MTRR: variants seen among roughly 807,000 people sequenced by gnomAD.
The protein encoded by MTRR is methionine synthase reductase.
MTRR carries 63 observed loss-of-function variants against 79.2 expected under a neutral mutation model. The observed-to-expected ratio is 0.80, with a 90% CI of 0.65 to 0.98. The LOEUF (loss-of-function observed/expected upper bound fraction) is 0.98, where lower values mean the gene tolerates loss of function less well. Ranked by LOEUF, MTRR falls within the 50% of genes least tolerant of loss-of-function variation. The probability of loss-of-function intolerance (pLI) is 0.00; values close to 1 mark genes in which losing one functional copy is unlikely to be tolerated. For missense variants in MTRR, 895 were observed against 839.6 expected (o/e 1.07, Z -0.82); for synonymous variants, 355 against 313.3 (o/e 1.13, Z -1.41).
intron 1 of MTRR, chr5:7,861,362 T>C (rs1000599722): frequency 9.3e-6 from 6 of 647,382 alleles, no homozygotes; most frequent in Non-Finnish European, 1.5e-5. Flanking sequence ...ATTTGGCTAT[T>C]ACTATGTGCC....
intron 1 of MTRR, among the ~76,000 whole-genome samples, chr5:7,852,755 G>A (rs145296004): frequency 6.7e-6 from 1 of 150,048 alleles, no homozygotes; most frequent in Non-Finnish European, 1.5e-5. Flanking sequence ...TTTTTTTTAA[G>A]CCCTTATAAT....
chr5:7,877,839 A>C, intron 4 of MTRR, 105 bp from the exon 5 acceptor site: 2 of 1,481,822 alleles, frequency 1.3e-6, no homozygotes, highest in South Asian at 2.3e-5. Context: ...AGTGTTTCTA[A>C]CAAGTGCATA....
intron 5 of MTRR, among the ~76,000 whole-genome samples, chr5:7,879,264 C>T (rs1735127845): frequency 1.3e-5 from 2 of 152,080 alleles, no homozygotes; most frequent in South Asian, 2.1e-4. Context: ...CTGGTGGGAG[C>T]AGAGTGCAGT....
intron 2 of MTRR, chr5:7,862,957 AGAAATGACTTCACTT>A: frequency 6.2e-7 from 1 of 1,614,060 alleles, no homozygotes; most frequent in Non-Finnish European, 8.5e-7. Flanking sequence ...GCATGGGGTA[AGAAATGACTTCACTT>A]GATATTTAGG....
chr5:7,878,834 A>G (rs1379664477), intron 5 of MTRR, among the ~76,000 whole-genome samples: 2 of 152,242 alleles, frequency 1.3e-5, no homozygotes, highest in African/African-American at 4.8e-5. Flanking sequence ...CCTGCTTAAA[A>G]TAAGTTTCCA....
rs569354527 is a variant in MTRR, at chr5:7,887,832, G to GTAT, written c.1146+1129_1146+1130insTAT. On this transcript the variant is annotated intron_variant, in intron 8 of 14. Coordinates refer to ENST00000440940, the MANE Select transcript of MTRR (RefSeq NM_002454.3). ...TATATATATATATATATATATATAT[G>GTAT]GGTTTTTTCAAAAATAGTATGCTCA... Among the ~76,000 whole-genome samples, 4 of 17,676 alleles carry GTAT rather than the reference G, an allele frequency of 2.3e-4. No individual in the cohort carries two copies. The East Asian group carries it at 2.9e-3, about 13-fold the overall frequency. 11.6% of individuals were successfully genotyped at this position (17,676 alleles called of 152,430 possible).
Position 7,896,877 on chromosome 5 carries a change from G to A in MTRR, c.1690G>A (p.Glu564Lys), listed in dbSNP as rs1391339546. 2 of 1,613,604 alleles carry A rather than the reference G, an allele frequency of 1.2e-6. No individual in the cohort carries two copies. Among genetic ancestry groups the A allele is most frequent in the Non-Finnish European group, 1.7e-6 (2 of 1,179,850 alleles). Residue 564 changes from glutamate to lysine, a missense_variant, in exon 13 of 15, where the codon GAA becomes AAA. Transcript: ENST00000440940. ...GFLQHREKLQ[E>K]QHPDGNFGAM... ...TTTTCCACTTAGAGAGAAACTCCAA[G>A]AACAACACCCAGATGGAAATTTTGG... is the stretch of plus-strand genomic sequence containing the variant.
At chr5:7,852,659 T>C (rs1746109962) in intron 1 of MTRR, among the ~76,000 whole-genome samples, 2 of 152,128 alleles carry the variant, frequency 1.3e-5, no homozygotes, top group Admixed American at 1.3e-4. Flanking sequence ...GCTCTTATTT[T>C]TCTCCCATGG....
chr5:7,870,617 T>G (rs1747793583), intron 1 of MTRR, among the ~76,000 whole-genome samples, 153 bp from the exon 2 acceptor site: 1 of 152,242 alleles, frequency 6.6e-6, no homozygotes, highest in Admixed American at 6.5e-5. Flanking sequence ...TTTAGGCTCA[T>G]TTGAGATTAG....
chr5:7,888,538 T>C (rs980296219), intron 8 of MTRR, among the ~76,000 whole-genome samples: 3 of 152,174 alleles, frequency 2.0e-5, no homozygotes, highest in African/African-American at 7.2e-5. Context: ...ACACGTGTAA[T>C]TTGTTAGTGT....
upstream of MTRR, chr5:7,850,900 T>C: frequency 7.4e-7 from 1 of 1,356,376 alleles, no homozygotes; most frequent in Non-Finnish European, 9.5e-7. Context: ...GTAGTAGCTG[T>C]GCTCTTTGGG....
rs1736326408 is a variant in MTRR, at chr5:7,885,812, C to T, written c.1015C>T (p.His339Tyr). Reference sequence around the variant, plus strand: ...ACTGCAGCTTGAAGATAAAAGAGAGCACTGCGTCCTTTTGAAAATAAAGGC... The same window carrying T: ...ACTGCAGCTTGAAGATAAAAGAGAGTACTGCGTCCTTTTGAAAATAAAGGC... ...QRLQLEDKRE[H>Y]CVLLKIKADT... Residue 339 changes from histidine to tyrosine, a missense_variant, in exon 7 of 15, where the codon CAC becomes TAC. By Grantham distance (83) the His-to-Tyr change is moderately conservative. Transcript: ENST00000440940. 1 of 1,613,930 alleles carries T rather than the reference C, an allele frequency of 6.2e-7. No homozygotes were observed. The highest frequency in any genetic ancestry group is 1.3e-5 in the African/African-American group (1 of 74,870).
chr5:7,886,685 C>G lies in MTRR; in HGVS notation c.1128C>G (p.Ile376Met), dbSNP rs1382796636. ...TCATTTTTACCTGGTGTCTTGAAAT[C>G]CGAGCAATTCCTAAAAAGGTATTTT... ...LQFIFTWCLE[I>M]RAIPKKAFLR... Residue 376 changes from isoleucine to methionine, a missense_variant, in exon 8 of 15, where the codon ATC becomes ATG. Physicochemically the swap from Ile to Met is conservative, Grantham distance 10. Coordinates refer to ENST00000440940, the MANE Select transcript of MTRR (RefSeq NM_002454.3). 2.5e-6 allele frequency: 4 copies of G among 1,612,210 alleles called. No homozygotes were observed. Among genetic ancestry groups the G allele is most frequent in the Non-Finnish European group, 3.4e-6 (4 of 1,178,378 alleles).
chr5:7,873,570 T>C, intron 3 of MTRR, 44 bp downstream of exon 3: 1 of 1,596,044 alleles, frequency 6.3e-7, no homozygotes, highest in Non-Finnish European at 8.6e-7. Flanking sequence ...ATACTATTGA[T>C]ATCTCTGGTA....
At chr5:7,858,725 TAC>T (rs1422705455) in intron 1 of MTRR, among the ~76,000 whole-genome samples, 2 of 151,952 alleles carry the variant, frequency 1.3e-5, no homozygotes, top group Non-Finnish European at 2.9e-5. Flanking sequence ...CTTCAAAAAA[TAC>T]ACTCTGCTAC....
rs1739072541 is a variant in MTRR, at chr5:7,899,256, A to G, written c.1953-658A>G. On this transcript the variant is annotated intron_variant, in intron 14 of 14. Transcript: ENST00000440940. Reference sequence around the variant, plus strand: ...AAGATTTGGAGAGGGCACACATCCAAACTGGATCAGAGGATAAGTGAGTTA... The same window carrying G: ...AAGATTTGGAGAGGGCACACATCCAGACTGGATCAGAGGATAAGTGAGTTA... Among the ~76,000 whole-genome samples the G allele has an allele frequency of 2.6e-5, 4 of 152,234 alleles. No homozygotes were observed. In the South Asian group the frequency reaches 8.3e-4, roughly 32 times the overall value.
Position 7,900,544 on chromosome 5 carries a change from T to A in MTRR, c.*486T>A, listed in dbSNP as rs1348772157. On this transcript the variant is annotated 3_prime_UTR_variant, in exon 15 of 15. Coordinates refer to ENST00000440940, the MANE Select transcript of MTRR (RefSeq NM_002454.3). ...TTAAATTACACATGTAGAGCATATC[T>A]GTTATATGTTTATGTAACTATCAAA... 1 of 158,688 alleles carries A rather than the reference T, an allele frequency of 6.3e-6. No homozygotes were observed. Among genetic ancestry groups the A allele is most frequent in the Non-Finnish European group, 1.4e-5 (1 of 71,254 alleles). The allele number at this position is 158,688 out of a possible 1,614,324, so 9.8% of individuals were successfully genotyped here. A position where few individuals can be genotyped will look rare whatever the true frequency, so the allele number is the denominator to read the frequency against.
intron 5 of MTRR, among the ~76,000 whole-genome samples, chr5:7,879,587 A>G (rs1030273305): frequency 6.6e-6 from 1 of 152,178 alleles, no homozygotes; most frequent in African/African-American, 2.4e-5. Flanking sequence ...AAGAGAGACA[A>G]TATAAATATG....
rs763989696 is a variant in MTRR at position 7,870,928 on chromosome 5, G to T, written c.129+5G>T. 4 of 1,614,184 alleles carry T rather than the reference G, an allele frequency of 2.5e-6. No homozygotes were observed. In the East Asian group the frequency reaches 8.9e-5, roughly 36 times the overall value. On this transcript the variant is annotated splice_donor_5th_base_variant and intron_variant, in intron 2 of 14. Coordinates refer to ENST00000440940, the MANE Select transcript of MTRR (RefSeq NM_002454.3). The stretch of plus-strand genomic sequence containing the variant: ...TGTATTAGTGAATCCGATAAGGTTA[G>T]AGCCGTTACAGTGGATTTTACCGTT...
Sources: allele counts gnomAD v4.1 joint callset (sites outside exome capture counted in the v4.1 genomes callset), GRCh38; gene constraint gnomAD v4.1.1; transcripts MANE v1.5; gene names NCBI Gene and HGNC (gene_info 2026-07-23, HGNC 2026-07-21).